PPP1R13B: variants seen among roughly 807,000 people sequenced by gnomAD.
The protein encoded by PPP1R13B is apoptosis-stimulating of p53 protein 1.
A neutral mutation model predicts 119.8 loss-of-function variants in PPP1R13B; 44 were observed. The ratio of observed to expected loss-of-function variants is 0.37; its 90% CI spans 0.29 to 0.47. The LOEUF (loss-of-function observed/expected upper bound fraction) is 0.47. Ranked by LOEUF, PPP1R13B falls within the 20% of genes least tolerant of loss-of-function variation. PPP1R13B has a pLI of 0.99. For missense variants in PPP1R13B, 1,227 were observed against 1,413.5 expected (o/e 0.87, Z 2.12); for synonymous variants, 542 against 561.5 (o/e 0.97, Z 0.49).
At chr14:103,842,701 C>T (rs2086937888) in intron 1 of PPP1R13B, among the ~76,000 whole-genome samples, 2 of 151,998 alleles carry the variant, frequency 1.3e-5, no homozygotes, top group African/African-American at 4.8e-5. Context: ...GCTGGCCGGG[C>T]TCGGTGGCTC....
intron 1 of PPP1R13B, among the ~76,000 whole-genome samples, chr14:103,834,923 C>T (rs111260473): frequency 0.013 from 1,944 of 152,002 alleles, 36 homozygotes; most frequent in African/African-American, 0.036. Flanking sequence ...GCAAACTATT[C>T]TCTCTCTGTC....
intron 4 of PPP1R13B, among the ~76,000 whole-genome samples, chr14:103,762,239 G>A (rs2084824759): frequency 6.6e-6 from 1 of 152,152 alleles, no homozygotes; most frequent in Admixed American, 6.5e-5. Flanking sequence ...TATGAATGGT[G>A]CTTTTTCCTT....
In PPP1R13B at chr14:103,737,839, G is replaced by A. The variant is rs995844454; in HGVS notation, c.2886C>T (p.Ala962=). The part of the protein sequence containing the change: ...SDGWTPLHCA[A]SCNSVHLCKQ... ...TGCAGAGGTGAACGCTGTTACAAGAGGCAGCGCAGTGCAGCGGCGTCCTGG... is the reference window on the plus strand; with the variant it reads ...TGCAGAGGTGAACGCTGTTACAAGAAGCAGCGCAGTGCAGCGGCGTCCTGG... Residue 962 remains alanine, a synonymous_variant, in exon 15 of 17, where the codon GCC becomes GCT. Coordinates refer to ENST00000202556, the MANE Select transcript of PPP1R13B (RefSeq NM_015316.3). 1 of 1,614,128 alleles carries A rather than the reference G, an allele frequency of 6.2e-7. No individual in the cohort carries two copies. Among genetic ancestry groups the A allele is most frequent in the African/African-American group, 1.3e-5 (1 of 75,066 alleles).
intron 1 of PPP1R13B, among the ~76,000 whole-genome samples, chr14:103,813,362 G>A (rs947090408): frequency 1.3e-5 from 2 of 152,164 alleles, no homozygotes; most frequent in Non-Finnish European, 2.9e-5. Context: ...CCCATGGAAA[G>A]GGTAAGATAT....
At chr14:103,824,193 G>A (rs1315833949) in intron 1 of PPP1R13B, among the ~76,000 whole-genome samples, 1 of 150,400 alleles carries the variant, frequency 6.6e-6, no homozygotes, top group Non-Finnish European at 1.5e-5. Flanking sequence ...CTACAGGTGC[G>A]TGCAACCACG....
rs138111029 is a variant in PPP1R13B at position 103,820,207 on chromosome 14, C to G, written c.10-22689G>C. Among the ~76,000 whole-genome samples, 21 of 152,304 alleles carry G rather than the reference C, an allele frequency of 1.4e-4. No individual in the cohort carries two copies. In the East Asian group the frequency reaches 3.9e-3, roughly 28 times the overall value. ...ATTACGGACAACGCCCCTCCCTTCTCACCACCCCACCAGGTCCAGAGCCTC... is the reference window on the plus strand; with the variant it reads ...ATTACGGACAACGCCCCTCCCTTCTGACCACCCCACCAGGTCCAGAGCCTC... On this transcript the variant is annotated intron_variant, in intron 1 of 16. Transcript: ENST00000202556.
chr14:103,743,756 CACA>C (rs1404099409), intron 9 of PPP1R13B: 1 of 152,364 alleles, frequency 6.6e-6, no homozygotes, highest in Non-Finnish European at 1.5e-5. Context: ...CAGTGGTCCT[CACA>C]ACAACGTCTG....
chr14:103,737,625 C>T (rs1004628621), intron 15 of PPP1R13B, 69 bp downstream of exon 15: 39 of 1,535,770 alleles, frequency 2.5e-5, no homozygotes, highest in Admixed American at 9.8e-5. Context: ...TCTCTGGCAC[C>T]GGCTGACTGT....
chr14:103,768,127 T>C (rs1430362619), intron 4 of PPP1R13B, among the ~76,000 whole-genome samples: 3 of 151,454 alleles, frequency 2.0e-5, no homozygotes, highest in Non-Finnish European at 4.4e-5. Flanking sequence ...TCTTTTTTTT[T>C]TTTTTGAGAT....
At chr14:103,762,371 A>G (rs1326165343) in intron 4 of PPP1R13B, among the ~76,000 whole-genome samples, 1 of 147,290 alleles carries the variant, frequency 6.8e-6, no homozygotes, top group Non-Finnish European at 1.5e-5. Context: ...TAATCTTGAT[A>G]TGCTGATTTT....
intron 4 of PPP1R13B, among the ~76,000 whole-genome samples, chr14:103,759,783 G>A (rs373098305): frequency 1.3e-5 from 2 of 151,950 alleles, no homozygotes; most frequent in East Asian, 3.9e-4. Flanking sequence ...TTAACTGTCT[G>A]GTGTTCTGAT....
At chr14:103,763,835 C>T (rs1335160807) in intron 4 of PPP1R13B, 1 of 152,296 alleles carries the variant, frequency 6.6e-6, no homozygotes, top group African/African-American at 2.4e-5. Context: ...CAGGCACCCA[C>T]TGATCTGCTT....
rs755869205 is a variant in PPP1R13B at position 103,742,014 on chromosome 14, G to A, written c.1598C>T (p.Ala533Val). 5.6e-6 allele frequency: 9 copies of A among 1,614,268 alleles called. No homozygotes were observed. Among genetic ancestry groups the A allele is most frequent in the Admixed American group, 1.7e-5 (1 of 60,036 alleles). The part of the protein sequence containing the change: ...SVPPSPTYPP[A>V]GPPAFPAGDS... ...CCCAGCTGGAAATGCAGGTGGTCCC[G>A]CTGGCGGGTACGTGGGACTTGGCGG... is the stretch of plus-strand genomic sequence containing the variant. The change falls in exon 11 of 17, where the codon GCG becomes GTG. Residue 533 changes from alanine to valine, a missense_variant. Physicochemically the swap from Ala to Val is moderately conservative, Grantham distance 64. Transcript: ENST00000202556. The surrounding 1 kb of genome is among the most constrained non-coding windows in gnomAD (Gnocchi z 4.9).
rs1414835353 is a variant in PPP1R13B, at chr14:103,769,947, A to G, written c.354+8798T>C. Reference sequence around the variant, plus strand: ...CAGAATATTTCATATTCCAATAATTACTAAGTCTCACAAATTAATAAGAGC... The same window carrying G: ...CAGAATATTTCATATTCCAATAATTGCTAAGTCTCACAAATTAATAAGAGC... On this transcript the variant is annotated intron_variant, in intron 4 of 16. Coordinates refer to ENST00000202556, the MANE Select transcript of PPP1R13B (RefSeq NM_015316.3). Among the ~76,000 whole-genome samples the G allele has an allele frequency of 2.0e-5, 3 of 152,214 alleles. No individual in the cohort carries two copies. In the East Asian group the frequency reaches 5.8e-4, roughly 29 times the overall value.
rs369913410 is a variant in PPP1R13B at position 103,784,925 on chromosome 14, G to T, written c.158-11C>A. On this transcript the variant is annotated splice_polypyrimidine_tract_variant and intron_variant, in intron 2 of 16. Coordinates refer to ENST00000202556, the MANE Select transcript of PPP1R13B (RefSeq NM_015316.3). ...AGGGTATGGGACGTTCTAGGAAAAA[G>T]ACCACATCTTTTTTACTCCAGAATT... The T allele has an allele frequency of 4.5e-6, 7 of 1,548,728 alleles. No homozygotes were observed. The African/African-American group carries it at 9.5e-5, about 21-fold the overall frequency.
At chr14:103,762,888 A>G in intron 4 of PPP1R13B, 2 of 988,440 alleles carry the variant, frequency 2.0e-6, no homozygotes, top group Non-Finnish European at 3.2e-6. Context: ...GACACAGTGG[A>G]ATCAGAGCAA....
At chr14:103,735,960 G>C (rs2084098512) in intron 16 of PPP1R13B, 43 bp downstream of exon 16, 2 of 1,602,204 alleles carry the variant, frequency 1.2e-6, no homozygotes, top group African/African-American at 1.3e-5. Flanking sequence ...GCTGTACAGA[G>C]ACACGGGCAG....
chr14:103,827,675 G>A (rs910114528), intron 1 of PPP1R13B, among the ~76,000 whole-genome samples: 16 of 147,300 alleles, frequency 1.1e-4, no homozygotes, highest in Non-Finnish European at 1.5e-5. Flanking sequence ...TATAAATATA[G>A]ATATGATATA....
intron 4 of PPP1R13B, among the ~76,000 whole-genome samples, chr14:103,767,198 C>T (rs999981014): frequency 6.6e-6 from 1 of 152,068 alleles, no homozygotes; most frequent in Non-Finnish European, 1.5e-5. Context: ...ACCTCTAGTA[C>T]CAGCTACTTT....
Sources: gnomAD v4.1 joint callset for allele counts (sites outside exome capture counted in the v4.1 genomes callset) on GRCh38, gnomAD v4.1.1 for gene constraint, Gnocchi (gnomAD v3.1) non-coding constraint, MANE v1.5 for transcripts, NCBI Gene and HGNC (gene_info 2026-07-23, HGNC 2026-07-21) for gene names.